The following ARB2A variants were observed in gnomAD, a reference collection of about 807,000 sequenced individuals.
ARB2A encodes cotranscriptional regulator ARB2A.
At chr5:94,081,371 C>T in the ARB2A span, among the ~76,000 whole-genome samples, 2 of 152,082 alleles carry the variant, frequency 1.3e-5, no homozygotes, top group East Asian at 3.8e-4. Flanking sequence ...AATACATGTC[C>T]CCACCAAAAC....
chr5:94,042,587 G>T, the ARB2A span, among the ~76,000 whole-genome samples: 9 of 152,204 alleles, frequency 5.9e-5, no homozygotes, highest in South Asian at 1.2e-3. Context: ...TTAAAGGCGT[G>T]AGCCACTGCG....
At chr5:93,725,741 C>T in the ARB2A span, among the ~76,000 whole-genome samples, 1 of 151,982 alleles carries the variant, frequency 6.6e-6, no homozygotes. Context: ...AGAATAACCC[C>T]AAAATATTAG....
At chr5:93,635,017 G>T in the ARB2A span, among the ~76,000 whole-genome samples, 1 of 152,098 alleles carries the variant, frequency 6.6e-6, no homozygotes, top group Non-Finnish European at 1.5e-5. Flanking sequence ...CAGGTGATCC[G>T]CCCGTTCTGG....
the ARB2A span, among the ~76,000 whole-genome samples, chr5:93,681,816 T>G: frequency 6.6e-6 from 1 of 152,126 alleles, no homozygotes; most frequent in East Asian, 1.9e-4. Context: ...AAAGTAAAAA[T>G]AAGAAGAAAA....
At chr5:93,634,073 C>T in the ARB2A span, among the ~76,000 whole-genome samples, 2 of 152,022 alleles carry the variant, frequency 1.3e-5, no homozygotes, top group Admixed American at 1.3e-4. Context: ...GCAAATCTAC[C>T]TTATATTGAA....
At chr5:94,035,109 T>C in the ARB2A span, among the ~76,000 whole-genome samples, 4 of 152,112 alleles carry the variant, frequency 2.6e-5, no homozygotes, top group African/African-American at 9.7e-5. Flanking sequence ...GTCTTTTATT[T>C]TCTTAGTTCC....
chr5:93,994,886 A>G, the ARB2A span, among the ~76,000 whole-genome samples: 1 of 151,898 alleles, frequency 6.6e-6, no homozygotes, highest in South Asian at 2.1e-4. Flanking sequence ...AGCCTGGGTG[A>G]AAGAGCAAGA....
chr5:93,933,888 C>T, the ARB2A span, among the ~76,000 whole-genome samples: 1 of 152,198 alleles, frequency 6.6e-6, no homozygotes, highest in African/African-American at 2.4e-5. Flanking sequence ...CACCTGTAGT[C>T]CCAGCTCCTC....
the ARB2A span, among the ~76,000 whole-genome samples, chr5:93,889,354 G>T: frequency 1.3e-5 from 2 of 151,676 alleles, no homozygotes; most frequent in African/African-American, 2.4e-5. Flanking sequence ...TAATCTAAAG[G>T]AAACACTTCA....
At chr5:93,639,208 C>T in the ARB2A span, among the ~76,000 whole-genome samples, 5 of 152,170 alleles carry the variant, frequency 3.3e-5, no homozygotes, top group African/African-American at 9.6e-5. Context: ...TAATGTCCTT[C>T]GGTTGCTGAC....
At chr5:93,767,558 A>G in the ARB2A span, among the ~76,000 whole-genome samples, 15 of 152,150 alleles carry the variant, frequency 9.9e-5, 1 homozygote, top group African/African-American at 3.4e-4. Flanking sequence ...CATTATATGA[A>G]AAAGATACTT....
chr5:93,853,066 A>G, the ARB2A span, among the ~76,000 whole-genome samples: 3 of 152,074 alleles, frequency 2.0e-5, no homozygotes, highest in Non-Finnish European at 4.4e-5. Flanking sequence ...CATTTTCATG[A>G]TATTGATTCT....
At chr5:93,793,510 G>A in the ARB2A span, among the ~76,000 whole-genome samples, 1 of 151,976 alleles carries the variant, frequency 6.6e-6, no homozygotes, top group South Asian at 2.1e-4. Flanking sequence ...GCCTCCATGA[G>A]GGCAAATCCA....
chr5:93,963,735 C>T, the ARB2A span, among the ~76,000 whole-genome samples: 6 of 152,100 alleles, frequency 3.9e-5, no homozygotes, highest in Non-Finnish European at 8.8e-5. Context: ...ATCATAAAAT[C>T]ATAAAGTTGT....
the ARB2A span, among the ~76,000 whole-genome samples, chr5:93,776,697 G>T: frequency 2.6e-5 from 4 of 152,156 alleles, no homozygotes; most frequent in Non-Finnish European, 5.9e-5. Context: ...AGAATGGCTT[G>T]AACCCAGGAG....
At chr5:94,017,941 T>C in the ARB2A span, among the ~76,000 whole-genome samples, 1 of 152,202 alleles carries the variant, frequency 6.6e-6, no homozygotes, top group Non-Finnish European at 1.5e-5. Flanking sequence ...ATTCTTGTGA[T>C]AGTGAATAAG....
At chr5:93,673,595 G>A in the ARB2A span, among the ~76,000 whole-genome samples, 1 of 152,222 alleles carries the variant, frequency 6.6e-6, no homozygotes, top group East Asian at 1.9e-4. Flanking sequence ...CCCATAGAGA[G>A]TTCACTTATT....
the ARB2A span, among the ~76,000 whole-genome samples, chr5:93,625,164 G>A: frequency 1.3e-5 from 2 of 152,086 alleles, no homozygotes; most frequent in African/African-American, 4.8e-5. Context: ...TCTCATGTAG[G>A]TTTGCCTGAG....
chr5:93,784,185 G>T, the ARB2A span: 2 of 502,510 alleles, frequency 4.0e-6, no homozygotes, highest in Non-Finnish European at 7.1e-6. Flanking sequence ...AAAGAAGGGA[G>T]GGGAGCTTTC....
Sources: allele counts gnomAD v4.1 joint callset (sites outside exome capture counted in the v4.1 genomes callset), GRCh38; gene constraint gnomAD v4.1.1; transcripts MANE v1.5; gene names NCBI Gene and HGNC (gene_info 2026-07-23, HGNC 2026-07-21).